The following PACRG variants were observed in gnomAD, a reference collection of about 807,000 sequenced individuals.
The protein encoded by PACRG is parkin coregulated.
Under a neutral mutation model 29.7 loss-of-function variants are expected in PACRG, and 29 were observed. The ratio of observed to expected loss-of-function variants is 0.98; its 90% CI spans 0.73 to 1.33. The LOEUF (loss-of-function observed/expected upper bound fraction) is 1.33, where lower values mean the gene tolerates loss of function less well. PACRG is among the 40% of genes most tolerant of loss of function. The probability of loss-of-function intolerance (pLI) is 0.00; values close to 1 mark genes in which losing one functional copy is unlikely to be tolerated. For missense variants in PACRG, 279 were observed against 316.2 expected (o/e 0.88, Z 0.89); for synonymous variants, 116 against 118.7 (o/e 0.98, Z 0.15).
At chr6:163,021,073 C>A (rs577907445) in intron 2 of PACRG, among the ~76,000 whole-genome samples, 2 of 152,326 alleles carry the variant, frequency 1.3e-5, no homozygotes, top group East Asian at 3.9e-4. Flanking sequence ...TGGACCTCTT[C>A]TTTCTCCCCA....
intron 3 of PACRG, among the ~76,000 whole-genome samples, chr6:163,069,587 G>A (rs1461394461): frequency 6.6e-6 from 1 of 151,990 alleles, no homozygotes; most frequent in Admixed American, 6.5e-5. Context: ...TTGAAGACAA[G>A]CTATTGGAAA....
At chr6:163,094,788 G>A (rs949522620) in intron 4 of PACRG, among the ~76,000 whole-genome samples, 10 of 152,206 alleles carry the variant, frequency 6.6e-5, no homozygotes, top group African/African-American at 9.6e-5. Flanking sequence ...GAGAAAGGCA[G>A]CTCCTGTTTT....
chr6:163,242,486 G>A (rs1782542905), intron 4 of PACRG, among the ~76,000 whole-genome samples: 1 of 152,168 alleles, frequency 6.6e-6, no homozygotes, highest in Non-Finnish European at 1.5e-5. Flanking sequence ...GATTTATAAG[G>A]CTCAATTATC....
chr6:162,989,638 T>G (rs950397629), intron 2 of PACRG, among the ~76,000 whole-genome samples: 1 of 152,096 alleles, frequency 6.6e-6, no homozygotes, highest in African/African-American at 2.4e-5. Flanking sequence ...AACAAATCCA[T>G]TTTTATGAAT....
intron 4 of PACRG, among the ~76,000 whole-genome samples, chr6:163,207,378 T>C (rs1043484873): frequency 6.6e-6 from 1 of 152,180 alleles, no homozygotes; most frequent in Non-Finnish European, 1.5e-5. Context: ...AAATGATCAA[T>C]GAGCAAAGAA....
At chr6:163,287,076 A>G (rs889220776) in intron 4 of PACRG, among the ~76,000 whole-genome samples, 1 of 152,026 alleles carries the variant, frequency 6.6e-6, no homozygotes, top group Non-Finnish European at 1.5e-5. Flanking sequence ...TATTTTTCCC[A>G]TGCAGCAGAT....
chr6:162,978,149 A>G (rs1802112332), intron 2 of PACRG, among the ~76,000 whole-genome samples: 1 of 152,158 alleles, frequency 6.6e-6, no homozygotes, highest in Non-Finnish European at 1.5e-5. Flanking sequence ...ATCTCAAAAA[A>G]AAAAAAAATG....
intron 4 of PACRG, chr6:163,244,809 G>T: frequency 4.0e-6 from 1 of 248,772 alleles, no homozygotes; most frequent in Non-Finnish European, 8.1e-6. Context: ...AAACAATAAT[G>T]GTGCCAGAAC....
intron 4 of PACRG, among the ~76,000 whole-genome samples, chr6:163,237,614 G>C (rs1483657881): frequency 6.6e-6 from 1 of 152,072 alleles, no homozygotes; most frequent in Non-Finnish European, 1.5e-5. Flanking sequence ...TTGTCTCTTT[G>C]TCACCCCAGT....
rs545961092 is a variant in PACRG at position 163,053,690 on chromosome 6, C to T, written c.292-8460C>T. 5.3e-5 allele frequency among the ~76,000 whole-genome samples: 8 copies of T among 152,180 alleles called. No homozygotes were observed. In the East Asian group the frequency reaches 1.5e-3, roughly 29 times the overall value. On this transcript the variant is annotated intron_variant, in intron 2 of 4. Coordinates refer to ENST00000366888, the MANE Select transcript of PACRG (RefSeq NM_001080379.2). ...TAAGAGAAAAATAGTATTTTATTTA[C>T]AGAATACATAAAGTTGTAGAATACA...
intron 2 of PACRG, among the ~76,000 whole-genome samples, chr6:163,034,125 G>A (rs777645755): frequency 4.2e-4 from 64 of 151,078 alleles, no homozygotes; most frequent in Non-Finnish European, 8.3e-4. Flanking sequence ...AAGGCAAGGC[G>A]CTCAGGGAGG....
At chr6:162,887,794 G>A (rs920175349) in intron 2 of PACRG, among the ~76,000 whole-genome samples, 2 of 149,814 alleles carry the variant, frequency 1.3e-5, no homozygotes, top group African/African-American at 4.9e-5. Flanking sequence ...AGTCCCAAAG[G>A]CTGGGCAAGA....
At chr6:163,233,912 G>A (rs12200361) in intron 4 of PACRG, among the ~76,000 whole-genome samples, 48,828 of 152,048 alleles carry the variant, frequency 0.32, 7,954 homozygotes, top group South Asian at 0.42. Flanking sequence ...CCAAATGAGA[G>A]ACATTCAAAT....
At chr6:162,961,214 C>T (rs187676420) in intron 2 of PACRG, among the ~76,000 whole-genome samples, 105 of 152,298 alleles carry the variant, frequency 6.9e-4, no homozygotes, top group African/African-American at 2.3e-3. Flanking sequence ...TTGTGTCATC[C>T]CTGTTACTTT....
chr6:163,179,250 C>T (rs1351117477), intron 4 of PACRG: 8 of 455,868 alleles, frequency 1.8e-5, no homozygotes, highest in African/African-American at 4.0e-5. Flanking sequence ...TGCCAACAAG[C>T]GAGACAGAAA....
intron 1 of PACRG, among the ~76,000 whole-genome samples, chr6:162,731,945 G>C (rs1779802477): frequency 6.6e-6 from 1 of 152,100 alleles, no homozygotes; most frequent in African/African-American, 2.4e-5. Flanking sequence ...AGGTGCAGGG[G>C]CATAGGAGCA....
intron 4 of PACRG, among the ~76,000 whole-genome samples, chr6:163,141,281 C>T (rs779031323): frequency 4.1e-4 from 62 of 152,034 alleles, no homozygotes; most frequent in Non-Finnish European, 7.2e-4. Context: ...GAAAAGAGTT[C>T]GCCAACTCTA....
At chr6:162,739,841 T>TAAA (rs34535656) in intron 1 of PACRG, among the ~76,000 whole-genome samples, 41 of 130,122 alleles carry the variant, frequency 3.2e-4, no homozygotes, top group African/African-American at 1.0e-3. Context: ...GCTCCATCTT[T>TAAA]AAAAAAAAAA....
intron 4 of PACRG, among the ~76,000 whole-genome samples, chr6:163,225,107 G>A (rs966981274): frequency 2.6e-5 from 4 of 152,196 alleles, no homozygotes; most frequent in Non-Finnish European, 5.9e-5. Context: ...GTCAGCATCA[G>A]TAATCATCAA....
Sources: allele counts gnomAD v4.1 joint callset (sites outside exome capture counted in the v4.1 genomes callset), GRCh38; gene constraint gnomAD v4.1.1; transcripts MANE v1.5; gene names NCBI Gene and HGNC (gene_info 2026-07-23, HGNC 2026-07-21).